Variants in TMEM45A observed in about 807,000 individuals in gnomAD.
The protein encoded by TMEM45A is DNA polymerase-transactivated protein 4.
TMEM45A carries 25 observed loss-of-function variants against 32.0 expected under a neutral mutation model. The observed-to-expected ratio is 0.78, with a 90% confidence interval of 0.57 to 1.09. TMEM45A has a LOEUF of 1.09. TMEM45A is among the 50% of genes least tolerant of loss of function. The pLI, the probability that TMEM45A is intolerant of heterozygous loss-of-function variation, is 0.00. For synonymous variants in TMEM45A, 122 were observed against 114.8 expected (o/e 1.06, Z -0.40); for missense variants, 302 against 325.0 (o/e 0.93, Z 0.54).
chr3:100,560,329 A>G (rs1292614376), intron 4 of TMEM45A, among the ~76,000 whole-genome samples: 1 of 150,540 alleles, frequency 6.6e-6, no homozygotes, highest in African/African-American at 2.5e-5. Flanking sequence ...AAATAAATGC[A>G]TTTAAACAAA....
chr3:100,574,617 C>T (rs769157999), intron 5 of TMEM45A: 4 of 152,226 alleles, frequency 2.6e-5, no homozygotes, highest in Non-Finnish European at 5.9e-5. Flanking sequence ...TGCATTTTAA[C>T]AATTGGGATC....
rs1706196902 is a variant in TMEM45A, at chr3:100,555,355, A to T, written c.144A>T (p.Arg48=). Residue 48 remains arginine (R), a synonymous_variant, in exon 2 of 6, where the codon CGA becomes CGT. Transcript: ENST00000323523. ...TTGGTTCCAAAACATTATTCTATCG[A>T]TTGGAAATTTTGGAGGGAATTACAA... ...CYLGSKTLFY[R]LEILEGITIV... 6.2e-7 allele frequency: 1 copy of T among 1,613,960 alleles called. No homozygotes were observed. Among genetic ancestry groups the T allele is most frequent in the South Asian group, 1.1e-5 (1 of 91,058 alleles).
intron 1 of TMEM45A, among the ~76,000 whole-genome samples, chr3:100,538,405 C>G (rs927305640): frequency 2.6e-5 from 4 of 152,034 alleles, no homozygotes; most frequent in Non-Finnish European, 5.9e-5. Flanking sequence ...GAATAGAGAA[C>G]TTTCTCAACT....
intron 1 of TMEM45A, among the ~76,000 whole-genome samples, chr3:100,550,980 C>T (rs1261308022): frequency 6.7e-5 from 10 of 148,812 alleles, no homozygotes; most frequent in Non-Finnish European, 1.5e-4. Context: ...TGAAATCTTT[C>T]AGTCCGTCTT....
At chr3:100,495,625 C>T (rs973687325) in intron 1 of TMEM45A, among the ~76,000 whole-genome samples, 1 of 152,116 alleles carries the variant, frequency 6.6e-6, no homozygotes, top group Non-Finnish European at 1.5e-5. Context: ...TAATCCATCT[C>T]TGGGGTCCTG....
intron 4 of TMEM45A, among the ~76,000 whole-genome samples, chr3:100,565,145 A>G (rs1706405512): frequency 6.6e-6 from 1 of 152,200 alleles, no homozygotes; most frequent in Non-Finnish European, 1.5e-5. Flanking sequence ...GAAGTCCTTG[A>G]GTTCCAATCT....
At chr3:100,530,911 G>A (rs1186543522) in intron 1 of TMEM45A, among the ~76,000 whole-genome samples, 2 of 152,110 alleles carry the variant, frequency 1.3e-5, no homozygotes, top group Non-Finnish European at 2.9e-5. Flanking sequence ...TTTACTGATT[G>A]CATTCCCATG....
intron 1 of TMEM45A, among the ~76,000 whole-genome samples, chr3:100,549,478 G>T (rs1706048892): frequency 6.6e-6 from 1 of 152,214 alleles, no homozygotes; most frequent in Admixed American, 6.5e-5. Flanking sequence ...ACTGAGGCTA[G>T]TGGCCTGGTA....
At chr3:100,554,248 T>A (rs1559649312) in intron 1 of TMEM45A, among the ~76,000 whole-genome samples, 1 of 152,146 alleles carries the variant, frequency 6.6e-6, no homozygotes, top group Non-Finnish European at 1.5e-5. Context: ...GACTCCACTA[T>A]GTGGCAATAA....
chr3:100,566,106 T>G (rs1706430272), intron 4 of TMEM45A, among the ~76,000 whole-genome samples: 1 of 152,204 alleles, frequency 6.6e-6, no homozygotes, highest in Admixed American at 6.5e-5. Context: ...TGTACTTCAT[T>G]CCTTTTATGG....
At chr3:100,494,630 TA>T (rs529184506) in intron 1 of TMEM45A, among the ~76,000 whole-genome samples, 291 of 144,962 alleles carry the variant, frequency 2.0e-3, no homozygotes, top group Non-Finnish European at 2.1e-3. Context: ...AGACTCCGTC[TA>T]AAAAAAAAAA....
chr3:100,548,969 C>T (rs781569480), intron 1 of TMEM45A, among the ~76,000 whole-genome samples: 5 of 152,134 alleles, frequency 3.3e-5, no homozygotes, highest in African/African-American at 4.8e-5. Context: ...TATCTTTGGC[C>T]GGGCATGCTG....
intron 1 of TMEM45A, among the ~76,000 whole-genome samples, chr3:100,524,977 C>T (rs1705512503): frequency 6.6e-6 from 1 of 151,964 alleles, no homozygotes; most frequent in Non-Finnish European, 1.5e-5. Context: ...ATCGCTGTGG[C>T]CAGGAGTTGG....
intron 1 of TMEM45A, among the ~76,000 whole-genome samples, chr3:100,538,732 A>T (rs1250782457): frequency 1.3e-5 from 2 of 152,184 alleles, no homozygotes; most frequent in Non-Finnish European, 2.9e-5. Flanking sequence ...TTAGGTGACA[A>T]GATTAATATA....
At chr3:100,536,943 T>C (rs1474202904) in intron 1 of TMEM45A, among the ~76,000 whole-genome samples, 1 of 152,160 alleles carries the variant, frequency 6.6e-6, no homozygotes, top group African/African-American at 2.4e-5. Flanking sequence ...TTTTTTGAGA[T>C]GGAGTTTTGC....
At chr3:100,524,183 G>C (rs568380340) in intron 1 of TMEM45A, among the ~76,000 whole-genome samples, 6 of 152,184 alleles carry the variant, frequency 3.9e-5, no homozygotes, top group Non-Finnish European at 7.3e-5. Flanking sequence ...CTGTGAGTGC[G>C]GGAGGATGGT....
chr3:100,571,501 G>A (rs1425716905), intron 5 of TMEM45A: 4 of 152,100 alleles, frequency 2.6e-5, no homozygotes, highest in Non-Finnish European at 4.4e-5. Context: ...GATCTTAATA[G>A]CTACTTAAGA....
chr3:100,518,205 G>A (rs979454644), intron 1 of TMEM45A, among the ~76,000 whole-genome samples: 1 of 152,208 alleles, frequency 6.6e-6, no homozygotes, highest in African/African-American at 2.4e-5. Flanking sequence ...TTGCATAGCT[G>A]GTTCTGCCTC....
intron 1 of TMEM45A, among the ~76,000 whole-genome samples, chr3:100,504,513 G>C (rs1407913728): frequency 2.6e-5 from 4 of 152,088 alleles, no homozygotes; most frequent in Non-Finnish European, 4.4e-5. Flanking sequence ...TGTTTCCCTG[G>C]TTACACCCTC....
Sources: gnomAD v4.1 joint callset for allele counts (sites outside exome capture counted in the v4.1 genomes callset) on GRCh38, gnomAD v4.1.1 for gene constraint, MANE v1.5 for transcripts, NCBI Gene and HGNC (gene_info 2026-07-23, HGNC 2026-07-21) for gene names.